CUL4A: variants seen among roughly 807,000 people sequenced by gnomAD.
The protein encoded by CUL4A is cullin-4A.
In CUL4A, 16 loss-of-function variants were observed where a neutral mutation model predicts 95.5. The ratio of observed to expected loss-of-function variants is 0.17; its 90% CI spans 0.11 to 0.25. The LOEUF is 0.25. CUL4A is among the 10% of genes least tolerant of loss of function. The pLI is 1.00. For missense variants in CUL4A, 610 were observed against 937.0 expected (o/e 0.65, Z 4.56); for synonymous variants, 380 against 353.1 (o/e 1.08, Z -0.85).
At chr13:113,243,226 T>G in intron 11 of CUL4A, 66 bp downstream of exon 11, 1 of 1,464,734 alleles carries the variant, frequency 6.8e-7, no homozygotes, top group Non-Finnish European at 9.3e-7. Flanking sequence ...TCTAGACAAT[T>G]TTTTAATATG....
chr13:113,218,053 A>G lies in CUL4A; in HGVS notation c.265-892A>G, dbSNP rs368902832. Among the ~76,000 whole-genome samples, 127 of 152,338 alleles carry G rather than the reference A, an allele frequency of 8.3e-4. 1 individual carries two copies. Among genetic ancestry groups the G allele is most frequent in the Middle Eastern group, 3.4e-3 (1 of 294 alleles). On this transcript the variant is annotated intron_variant, in intron 2 of 19. Transcript: ENST00000375440. ...GGCGTTTGAGACCGGCCTGGCCAAC[A>G]TGGCGAAACCCCTCCTCTACTGAAA...
In CUL4A at chr13:113,252,101, T is replaced by C. The variant is rs1418994411; in HGVS notation, c.1639-981T>C. The stretch of plus-strand genomic sequence containing the variant: ...CAGAAGTCAGGGAAAGCACCGCGCA[T>C]GGGAGAGTCACACACAGCCTGCCCC... On this transcript the variant is annotated intron_variant, in intron 15 of 19. Transcript: ENST00000375440. Among the ~76,000 whole-genome samples, 3 of 151,958 alleles carry C rather than the reference T, an allele frequency of 2.0e-5. No individual in the cohort carries two copies. In the East Asian group the frequency reaches 5.8e-4, roughly 29 times the overall value.
chr13:113,218,636 C>G (rs950102606), intron 2 of CUL4A, among the ~76,000 whole-genome samples: 1 of 152,208 alleles, frequency 6.6e-6, no homozygotes, highest in African/African-American at 2.4e-5. Flanking sequence ...TCCCAAGTGA[C>G]TGGGCACCAT....
At chr13:113,243,769 A>G (rs1432060937) in intron 11 of CUL4A, among the ~76,000 whole-genome samples, 1 of 152,166 alleles carries the variant, frequency 6.6e-6, no homozygotes, top group African/African-American at 2.4e-5. Context: ...AAACTAACAA[A>G]AACAGCAACA....
chr13:113,217,415 A>G (rs189984910), intron 2 of CUL4A, among the ~76,000 whole-genome samples: 1 of 152,198 alleles, frequency 6.6e-6, no homozygotes, highest in Admixed American at 6.5e-5. Flanking sequence ...ATGTAGGGGG[A>G]AAGTTTGTAT....
chr13:113,243,641 A>G (rs1263393685), intron 11 of CUL4A, among the ~76,000 whole-genome samples: 1 of 151,984 alleles, frequency 6.6e-6, no homozygotes, highest in African/African-American at 2.4e-5. Context: ...AAATACGACG[A>G]TACTAGATTG....
intron 2 of CUL4A, among the ~76,000 whole-genome samples, chr13:113,210,534 TTTG>T (rs1363186923): frequency 2.4e-4 from 37 of 152,318 alleles, no homozygotes; most frequent in South Asian, 6.2e-4. Context: ...AAAAAGTGGT[TTTG>T]TTCTCTGTTG....
At chr13:113,232,799 C>T (rs908244795) in intron 5 of CUL4A, among the ~76,000 whole-genome samples, 7 of 152,192 alleles carry the variant, frequency 4.6e-5, no homozygotes, top group Admixed American at 3.3e-4. Flanking sequence ...CTGTTGGAGA[C>T]GGTGGCGGGA....
At chr13:113,245,103 G>A (rs756051334) in intron 13 of CUL4A, 44 bp downstream of exon 13, 5 of 1,609,938 alleles carry the variant, frequency 3.1e-6, no homozygotes, top group Admixed American at 1.7e-5. Flanking sequence ...ACTGAGGGTT[G>A]CTGCCCCGTG....
intron 2 of CUL4A, among the ~76,000 whole-genome samples, chr13:113,212,231 T>TA (rs2040476212): frequency 6.6e-6 from 1 of 152,230 alleles, no homozygotes; most frequent in African/African-American, 2.4e-5. Flanking sequence ...GCCTTGCAAA[T>TA]ACTTTCTGCC....
At chr13:113,259,856 G>A (rs985861784) in intron 18 of CUL4A, among the ~76,000 whole-genome samples, 33 of 152,226 alleles carry the variant, frequency 2.2e-4, no homozygotes, top group African/African-American at 7.7e-4. Flanking sequence ...ACTACAACAA[G>A]TAAACATGCA....
At chr13:113,216,041 G>A (rs1370164277) in intron 2 of CUL4A, among the ~76,000 whole-genome samples, 2 of 149,928 alleles carry the variant, frequency 1.3e-5, no homozygotes, top group African/African-American at 4.9e-5. Context: ...TGACTATGGA[G>A]GTCTCGTCCA....
At chr13:113,221,660 C>T (rs1296300561) in intron 3 of CUL4A, among the ~76,000 whole-genome samples, 1 of 152,174 alleles carries the variant, frequency 6.6e-6, no homozygotes, top group Non-Finnish European at 1.5e-5. Context: ...CTCACTGCAC[C>T]TCTCCCTCCT....
upstream of CUL4A, chr13:113,209,591 G>T: frequency 1.0e-6 from 1 of 990,766 alleles, no homozygotes; most frequent in Non-Finnish European, 1.2e-6. Flanking sequence ...GGCGGGCGGC[G>T]GCGCTCGGGG....
chr13:113,242,699 T>C (rs1289496404), intron 10 of CUL4A, among the ~76,000 whole-genome samples: 1 of 152,130 alleles, frequency 6.6e-6, no homozygotes, highest in Non-Finnish European at 1.5e-5. Context: ...GGTGGGAGGA[T>C]TGCTTGAGCT....
chr13:113,250,662 T>C (rs1441695374), intron 15 of CUL4A, among the ~76,000 whole-genome samples: 1 of 152,066 alleles, frequency 6.6e-6, no homozygotes, highest in African/African-American at 2.4e-5. Flanking sequence ...TTAGGAAAGA[T>C]ATGCACTAAG....
At chr13:113,224,127 C>T (rs12868163) in intron 3 of CUL4A, among the ~76,000 whole-genome samples, 30,355 of 152,008 alleles carry the variant, frequency 0.2, 3,797 homozygotes, top group South Asian at 0.43. Context: ...CCAAGGTGGG[C>T]GGATCATGAG....
intron 15 of CUL4A, among the ~76,000 whole-genome samples, chr13:113,251,207 C>G (rs2041986515): frequency 6.6e-6 from 1 of 152,108 alleles, no homozygotes; most frequent in Non-Finnish European, 1.5e-5. Flanking sequence ...GAGAAGACCT[C>G]TCTGAGGAGG....
In CUL4A at chr13:113,265,360, A is replaced by G. The variant is rs1188586628; in HGVS notation, c.*1778A>G. ...GCCTGAGTTCCAGACCATCCTGAGC[A>G]CCATAGGGAGATCCTGTTTCCATTT... On this transcript the variant is annotated 3_prime_UTR_variant, in exon 20 of 20. Transcript: ENST00000375440. 2 of 152,218 alleles carry G rather than the reference A, an allele frequency of 1.3e-5. No homozygotes were observed. The highest frequency in any genetic ancestry group is 6.5e-5 in the Admixed American group (1 of 15,282). The allele number at this position is 152,218 out of a possible 1,614,324, so 9.4% of individuals were successfully genotyped here. A position where few individuals can be genotyped will look rare whatever the true frequency, so the allele number is the denominator to read the frequency against.
Sources: allele counts gnomAD v4.1 joint callset (sites outside exome capture counted in the v4.1 genomes callset), GRCh38; gene constraint gnomAD v4.1.1; transcripts MANE v1.5; gene names NCBI Gene and HGNC (gene_info 2026-07-23, HGNC 2026-07-21).